Variants in PTPRN2 observed in about 807,000 individuals in gnomAD.
PTPRN2 encodes the protein receptor-type tyrosine-protein phosphatase N2.
In PTPRN2, 74 loss-of-function variants were observed where a neutral mutation model predicts 118.8. That is an observed-to-expected ratio of 0.62 (90% confidence interval 0.52 to 0.76). PTPRN2 has a LOEUF of 0.76. Ranked by LOEUF, PTPRN2 falls within the 30% of genes least tolerant of loss-of-function variation. PTPRN2 has a pLI of 0.00. For synonymous variants in PTPRN2, 641 were observed against 608.0 expected, an observed-to-expected ratio of 1.05 and a Z score of -0.80; for missense variants, 1,481 against 1,394.4, an observed-to-expected ratio of 1.06 and a Z score of -0.99.
At chr7:158,052,484 C>G (rs1809402628) in intron 11 of PTPRN2, among the ~76,000 whole-genome samples, 1 of 152,218 alleles carries the variant, frequency 6.6e-6, no homozygotes, top group South Asian at 2.1e-4. Flanking sequence ...ACCAAAGGCA[C>G]CCAGCCTCCT....
intron 11 of PTPRN2, among the ~76,000 whole-genome samples, chr7:157,936,112 G>A (rs982297550): frequency 3.3e-5 from 5 of 152,220 alleles, no homozygotes; most frequent in African/African-American, 1.2e-4. Context: ...GATCGTAGGT[G>A]TATGACTACA....
At chr7:158,347,010 T>G (rs1181522201) in intron 2 of PTPRN2, among the ~76,000 whole-genome samples, 1 of 152,240 alleles carries the variant, frequency 6.6e-6, no homozygotes, top group Non-Finnish European at 1.5e-5. Flanking sequence ...TAAGCCCTTA[T>G]TGGATGTACA....
chr7:158,083,139 T>C (rs1233217884), intron 10 of PTPRN2, among the ~76,000 whole-genome samples: 1 of 152,200 alleles, frequency 6.6e-6, no homozygotes, highest in Non-Finnish European at 1.5e-5. Flanking sequence ...GCCTGATATT[T>C]AGTGCTCAAA....
intron 14 of PTPRN2, among the ~76,000 whole-genome samples, chr7:157,625,798 T>C (rs1803537162): frequency 6.6e-6 from 1 of 152,132 alleles, no homozygotes; most frequent in African/African-American, 2.4e-5. Flanking sequence ...GATGAGTGCA[T>C]GTGTGAGAGA....
intron 11 of PTPRN2, among the ~76,000 whole-genome samples, chr7:157,904,578 G>A (rs2128755477): frequency 6.6e-6 from 1 of 152,370 alleles, no homozygotes; most frequent in East Asian, 1.9e-4. Context: ...TTCTTGCCAG[G>A]GAAATCTCTT....
At chr7:157,921,409 C>T (rs539028518) in intron 11 of PTPRN2, among the ~76,000 whole-genome samples, 15 of 152,306 alleles carry the variant, frequency 9.8e-5, no homozygotes, top group African/African-American at 3.4e-4. Flanking sequence ...GGATACGTGT[C>T]ATCATACACT....
chr7:158,171,468 C>T (rs1823699277), intron 5 of PTPRN2, among the ~76,000 whole-genome samples: 2 of 151,458 alleles, frequency 1.3e-5, no homozygotes, highest in African/African-American at 4.9e-5. Context: ...CCTGCCTCAG[C>T]CTCCTGAGCA....
chr7:158,569,161 T>C (rs756557037), intron 1 of PTPRN2, among the ~76,000 whole-genome samples: 5 of 152,246 alleles, frequency 3.3e-5, no homozygotes, highest in Non-Finnish European at 7.3e-5. Flanking sequence ...TGTATGTATG[T>C]GAAATCTCAG....
At chr7:158,423,589 A>G (rs1410906148) in intron 2 of PTPRN2, among the ~76,000 whole-genome samples, 1 of 151,720 alleles carries the variant, frequency 6.6e-6, no homozygotes, top group African/African-American at 2.4e-5. Context: ...GCTGGAGTGC[A>G]ATGGCACCAT....
At position 157,982,219 on chromosome 7, in the gene PTPRN2, G is replaced by A. The variant is rs866506685; in HGVS notation, c.1724-83482C>T. Reference sequence around the variant, plus strand: ...CCCCTAAACCCCGAGTCACAGAGATGAGGAGGGGAATGCAGAGTGCGGGGT... The same window carrying A: ...CCCCTAAACCCCGAGTCACAGAGATAAGGAGGGGAATGCAGAGTGCGGGGT... On this transcript the variant is annotated intron_variant, in intron 11 of 22. Transcript: ENST00000389418. Among the ~76,000 whole-genome samples, 322 of 127,814 alleles carry A rather than the reference G, an allele frequency of 2.5e-3. 1 individual carries two copies. The highest frequency in any genetic ancestry group is 5.3e-3 in the Middle Eastern group (1 of 188). The allele number at this position is 127,814 out of a possible 152,430, so 83.9% of individuals were successfully genotyped here.
intron 11 of PTPRN2, among the ~76,000 whole-genome samples, chr7:157,979,209 G>C (rs1488530347): frequency 1.3e-5 from 2 of 150,950 alleles, no homozygotes; most frequent in East Asian, 3.9e-4. Flanking sequence ...TGAATGGATA[G>C]AAAAAAAAAG....
At chr7:157,778,754 T>G (rs937862682) in intron 12 of PTPRN2, among the ~76,000 whole-genome samples, 2 of 151,866 alleles carry the variant, frequency 1.3e-5, no homozygotes, top group Admixed American at 1.3e-4. Flanking sequence ...CACGTAAACA[T>G]GTCCACGTGA....
At chr7:158,488,869 C>T (rs1485762236) in intron 2 of PTPRN2, among the ~76,000 whole-genome samples, 1 of 152,258 alleles carries the variant, frequency 6.6e-6, no homozygotes, top group African/African-American at 2.4e-5. Flanking sequence ...TGGAGAAAGG[C>T]GGCTCCGCCC....
chr7:158,167,261 T>A lies in PTPRN2; in HGVS notation c.580A>T (p.Thr194Ser). 6.2e-7 allele frequency: 1 copy of A among 1,607,718 alleles called. No individual in the cohort carries two copies. The highest frequency in any genetic ancestry group is 2.2e-5 in the East Asian group (1 of 44,744). ...AGCGCAGACGTGTGGGCCACATAGG[T>A]CAGGATGCTCTCGGAGAAGCGGTCA... ...GDDRFSESILTYVAHTSALTY... is the reference protein window; with the variant it reads ...GDDRFSESILSYVAHTSALTY... Residue 194 changes from threonine (T) to serine (S), a missense_variant, in exon 6 of 23, where the codon ACC becomes TCC. By Grantham distance (58) the Thr-to-Ser change is moderately conservative. Around this residue, in one of 3 missense-constraint regions of PTPRN2, gnomAD observed 1,115 missense variants for 994.2 expected, o/e 1.12. Coordinates refer to ENST00000389418, the MANE Select transcript of PTPRN2 (RefSeq NM_002847.5).
At chr7:158,547,179 A>C (rs761597209) in intron 1 of PTPRN2, among the ~76,000 whole-genome samples, 4 of 152,112 alleles carry the variant, frequency 2.6e-5, no homozygotes, top group Non-Finnish European at 5.9e-5. Context: ...TGCACATAAC[A>C]TAAATAAAAT....
intron 13 of PTPRN2, among the ~76,000 whole-genome samples, chr7:157,661,101 C>T (rs978618096): frequency 6.6e-6 from 1 of 152,246 alleles, no homozygotes; most frequent in Non-Finnish European, 1.5e-5. Context: ...CCTCCTCCGG[C>T]GGGTGGCTCA....
intron 1 of PTPRN2, among the ~76,000 whole-genome samples, chr7:158,548,718 A>T (rs1211749575): frequency 6.6e-6 from 1 of 152,158 alleles, no homozygotes; most frequent in South Asian, 2.1e-4. Context: ...TCTCCGTGTG[A>T]CTTCACACTC....
chr7:158,144,553 T>A (rs1331407781), intron 6 of PTPRN2, among the ~76,000 whole-genome samples: 1 of 152,136 alleles, frequency 6.6e-6, no homozygotes, highest in Admixed American at 6.5e-5. Context: ...CCAGGAGAAT[T>A]GCTTGAACCT....
chr7:158,165,779 A>G (rs1242396208), intron 6 of PTPRN2, among the ~76,000 whole-genome samples: 1 of 152,190 alleles, frequency 6.6e-6, no homozygotes, highest in Non-Finnish European at 1.5e-5. Flanking sequence ...ATGGGTCGGA[A>G]CCTTCTCCAT....
Sources: allele counts gnomAD v4.1 joint callset (sites outside exome capture counted in the v4.1 genomes callset), GRCh38; gene constraint gnomAD v4.1.1; regional missense constraint gnomAD v4.1.1; transcripts MANE v1.5; gene names NCBI Gene and HGNC (gene_info 2026-07-23, HGNC 2026-07-21).